The following PROS1 variants were observed in gnomAD, a reference collection of about 807,000 sequenced individuals.
PROS1 encodes vitamin K-dependent protein S.
A neutral mutation model predicts 75.9 loss-of-function variants in PROS1; 29 were observed. The observed-to-expected ratio is 0.38, with a 90% CI of 0.28 to 0.52. PROS1 has a LOEUF of 0.52. PROS1 is among the 20% of genes least tolerant of loss of function. The pLI is 0.83. For synonymous variants in PROS1, 245 were observed against 280.6 expected (o/e 0.87, Z 1.27); for missense variants, 680 against 810.3 (o/e 0.84, Z 1.95).
chr3:93,878,823 A>G (rs12488200), intron 13 of PROS1, among the ~76,000 whole-genome samples: 118,253 of 152,068 alleles, frequency 0.78, 46,184 homozygotes, highest in Non-Finnish European at 0.81. Flanking sequence ...TAATTCCCAC[A>G]ACACATAAAG....
chr3:93,958,171 T>C (rs1037646910), intron 1 of PROS1, among the ~76,000 whole-genome samples: 14 of 152,170 alleles, frequency 9.2e-5, no homozygotes, highest in African/African-American at 4.8e-5. Context: ...TTTACTTATA[T>C]GTTTTTGTAA....
chr3:93,931,136 C>T (rs972339791), intron 1 of PROS1, among the ~76,000 whole-genome samples: 2 of 152,194 alleles, frequency 1.3e-5, no homozygotes, highest in African/African-American at 4.8e-5. Flanking sequence ...CTGAAATAAA[C>T]TATCAGACAG....
chr3:93,915,376 G>T (rs930548436), intron 3 of PROS1, among the ~76,000 whole-genome samples: 2 of 152,124 alleles, frequency 1.3e-5, no homozygotes, highest in African/African-American at 4.8e-5. Flanking sequence ...TGAGGTACAA[G>T]AACTGCTTGA....
chr3:93,912,388 G>A (rs1290476293), intron 3 of PROS1, among the ~76,000 whole-genome samples: 1 of 152,136 alleles, frequency 6.6e-6, no homozygotes, highest in East Asian at 1.9e-4. Flanking sequence ...CATCTGCAAA[G>A]TCTCCATTTG....
chr3:93,888,591 T>C (rs183033142), intron 10 of PROS1, among the ~76,000 whole-genome samples: 63 of 152,336 alleles, frequency 4.1e-4, no homozygotes, highest in Middle Eastern at 6.8e-3. Flanking sequence ...AACAGTTTCA[T>C]GGCCTTAAAA....
chr3:93,957,901 C>A (rs1576216965), intron 1 of PROS1, among the ~76,000 whole-genome samples: 1 of 151,896 alleles, frequency 6.6e-6, no homozygotes, highest in South Asian at 2.1e-4. Context: ...CCAGCCTGGC[C>A]AACATGGTGA....
chr3:93,915,794 C>T (rs1160815577), intron 3 of PROS1, among the ~76,000 whole-genome samples: 16 of 151,778 alleles, frequency 1.1e-4, no homozygotes, highest in Non-Finnish European at 2.1e-4. Flanking sequence ...TTTTTGACCC[C>T]TCACCAGAAT....
At chr3:93,899,948 T>C (rs1206087376) in intron 7 of PROS1, among the ~76,000 whole-genome samples, 2 of 152,184 alleles carry the variant, frequency 1.3e-5, no homozygotes, top group South Asian at 2.1e-4. Flanking sequence ...ACTGTACTTG[T>C]AGCCCCTAAA....
intron 1 of PROS1, among the ~76,000 whole-genome samples, chr3:93,952,719 A>C (rs1249371884): frequency 6.6e-6 from 1 of 152,218 alleles, no homozygotes; most frequent in African/African-American, 2.4e-5. Flanking sequence ...GGCAAGAAAT[A>C]ACTAAGATCA....
At position 93,941,576 on chromosome 3, in the gene PROS1, C is replaced by T. The variant is rs533582239; in HGVS notation, c.77-14169G>A. ...TAAATCCTTTGCCCACTCCTCTTTC[C>T]GTTCCTTGAAGACAGCTTTAGAGAC... On this transcript the variant is annotated intron_variant, in intron 1 of 14. Transcript: ENST00000394236. Among the ~76,000 whole-genome samples the T allele has an allele frequency of 2.2e-4, 33 of 152,306 alleles. 1 individual carries two copies. The highest frequency in any genetic ancestry group is 1.5e-3 in the Admixed American group (23 of 15,298).
chr3:93,964,303 T>G (rs1003252157), intron 1 of PROS1, among the ~76,000 whole-genome samples: 1 of 152,186 alleles, frequency 6.6e-6, no homozygotes, highest in African/African-American at 2.4e-5. Context: ...AGCCTATAAA[T>G]GGATGAGCAA....
At chr3:93,950,197 G>T (rs992923395) in intron 1 of PROS1, among the ~76,000 whole-genome samples, 1 of 152,160 alleles carries the variant, frequency 6.6e-6, no homozygotes, top group Non-Finnish European at 1.5e-5. Context: ...GCTCGAACTG[G>T]GTGGAGCCCA....
chr3:93,927,867 ATATATATGTGTGTATGTG>A (rs1355750278), intron 1 of PROS1, among the ~76,000 whole-genome samples: 3 of 140,086 alleles, frequency 2.1e-5, no homozygotes, highest in East Asian at 2.1e-4. Flanking sequence ...ATATATATAT[ATATATATGTGTGTATGTG>A]TATATATATA....
At chr3:93,890,767 T>C (rs924859026) in intron 10 of PROS1, among the ~76,000 whole-genome samples, 5 of 152,150 alleles carry the variant, frequency 3.3e-5, no homozygotes, top group Non-Finnish European at 7.4e-5. Flanking sequence ...TCTGCATAAA[T>C]GAAGGACCAA....
rs1016416452 is a variant in PROS1 at position 93,873,862 on chromosome 3, G to T, written c.*383C>A. On this transcript the variant is annotated 3_prime_UTR_variant, in exon 15 of 15. Coordinates refer to ENST00000394236, the MANE Select transcript of PROS1 (RefSeq NM_000313.4). ...AAATAGTATCTGCCTATGATTAATA[G>T]TATTTAATTACACGCACTTTTGTTT... 4.1e-6 allele frequency: 1 copy of T among 242,100 alleles called. No homozygotes were observed. The highest frequency in any genetic ancestry group is 5.2e-5 in the Admixed American group (1 of 19,112). 15.0% of individuals were successfully genotyped at this position (242,100 alleles called of 1,614,324 possible).
At chr3:93,904,425 G>A (rs544988581) in intron 6 of PROS1, among the ~76,000 whole-genome samples, 1 of 152,222 alleles carries the variant, frequency 6.6e-6, no homozygotes, top group East Asian at 1.9e-4. Flanking sequence ...AGAAGAATTT[G>A]TTGTTAATGT....
intron 1 of PROS1, among the ~76,000 whole-genome samples, chr3:93,955,045 AG>A (rs1256708894): frequency 6.6e-6 from 1 of 152,262 alleles, no homozygotes; most frequent in Non-Finnish European, 1.5e-5. Flanking sequence ...CTCACCAGTT[AG>A]AATGGCAACC....
At chr3:93,879,940 A>G (rs1708251579) in intron 12 of PROS1, among the ~76,000 whole-genome samples, 2 of 152,178 alleles carry the variant, frequency 1.3e-5, no homozygotes, top group African/African-American at 4.8e-5. Flanking sequence ...ATATATCTCT[A>G]TCATTGCTTT....
chr3:93,944,718 T>A (rs1326855628), intron 1 of PROS1, among the ~76,000 whole-genome samples: 3 of 151,984 alleles, frequency 2.0e-5, no homozygotes, highest in Non-Finnish European at 2.9e-5. Context: ...AGATCTAAAA[T>A]TGACACCCTA....
Sources: allele counts gnomAD v4.1 joint callset (sites outside exome capture counted in the v4.1 genomes callset), GRCh38; gene constraint gnomAD v4.1.1; transcripts MANE v1.5; gene names NCBI Gene and HGNC (gene_info 2026-07-23, HGNC 2026-07-21).